CPAMD8: variants seen among roughly 807,000 people sequenced by gnomAD.
CPAMD8 encodes C3 and PZP-like alpha-2-macroglobulin domain-containing protein 8.
A neutral mutation model predicts 224.7 loss-of-function variants in CPAMD8; 146 were observed. The observed-to-expected ratio is 0.65, with a 90% confidence interval of 0.57 to 0.75. CPAMD8 has a LOEUF of 0.75. Among genes scored for constraint, CPAMD8 ranks in the 30% least tolerant of loss-of-function variants. The pLI, the probability that CPAMD8 is intolerant of heterozygous loss-of-function variation, is 0.00. For synonymous variants in CPAMD8, 966 were observed against 1,044.6 expected, an observed-to-expected ratio of 0.92 and a Z score of 1.45; for missense variants, 2,301 against 2,537.5, an observed-to-expected ratio of 0.91 and a Z score of 2.00.
At chr19:16,961,706 GCCT>G (rs2054663078) in intron 18 of CPAMD8, among the ~76,000 whole-genome samples, 2 of 152,234 alleles carry the variant, frequency 1.3e-5, no homozygotes, top group South Asian at 2.1e-4. Context: ...CGGACAGACT[GCCT>G]CCTCAAGTGG....
At chr19:16,904,777 G>A (rs1384800198) in intron 30 of CPAMD8, among the ~76,000 whole-genome samples, 1 of 152,132 alleles carries the variant, frequency 6.6e-6, no homozygotes, top group African/African-American at 2.4e-5. Context: ...CAGACATCGT[G>A]AATCAATGGC....
chr19:16,921,497 CT>C (rs1159347437), intron 27 of CPAMD8, among the ~76,000 whole-genome samples: 9 of 152,086 alleles, frequency 5.9e-5, no homozygotes, highest in Admixed American at 3.9e-4. Context: ...TCCCAGGCTG[CT>C]CCTGCACACA....
chr19:16,998,711 G>T (rs1233707663), intron 10 of CPAMD8, among the ~76,000 whole-genome samples: 1 of 152,130 alleles, frequency 6.6e-6, no homozygotes, highest in Non-Finnish European at 1.5e-5. Context: ...ACCAAAAAAG[G>T]TTACAAAACT....
rs554192392 is a variant in CPAMD8 at position 16,954,578 on chromosome 19, C to G, written c.2277-2378G>C. On this transcript the variant is annotated intron_variant, in intron 19 of 41. Coordinates refer to ENST00000443236, the MANE Select transcript of CPAMD8 (RefSeq NM_015692.5). The stretch of plus-strand genomic sequence containing the variant: ...AAAGGGATATTTGTATACCCCTGTT[C>G]ACAGCATTATTCACAATAGCCAAAA... Among the ~76,000 whole-genome samples the G allele has an allele frequency of 3.9e-5, 6 of 152,238 alleles. No homozygotes were observed. The East Asian group carries it at 1.2e-3, about 29-fold the overall frequency.
At chr19:16,944,282 T>C (rs1251780880) in intron 22 of CPAMD8, among the ~76,000 whole-genome samples, 1 of 152,224 alleles carries the variant, frequency 6.6e-6, no homozygotes, top group Non-Finnish European at 1.5e-5. Flanking sequence ...TAATTGTAGC[T>C]TCATCTTTTG....
rs1421108312 is a variant in CPAMD8, at chr19:16,906,404, T to C, written c.4027+548A>G. On this transcript the variant is annotated intron_variant, in intron 30 of 41. Coordinates refer to ENST00000443236, the MANE Select transcript of CPAMD8 (RefSeq NM_015692.5). The stretch of plus-strand genomic sequence containing the variant: ...TTTCTTTCTTTCTTTCTTTCTTTCT[T>C]TCTTTCCTTCCTTCCTTCCTTCCTT... 1.6e-3 allele frequency among the ~76,000 whole-genome samples: 131 copies of C among 83,946 alleles called. 2 individuals carry two copies. The highest frequency in any genetic ancestry group is 4.9e-3 in the African/African-American group (104 of 21,106). 55.1% of individuals were successfully genotyped at this position (83,946 alleles called of 152,430 possible).
intron 18 of CPAMD8, among the ~76,000 whole-genome samples, chr19:16,963,679 T>C (rs935924185): frequency 6.6e-6 from 1 of 152,190 alleles, no homozygotes; most frequent in Non-Finnish European, 1.5e-5. Flanking sequence ...AACTCAGCTC[T>C]GCACCAAGCA....
At position 16,928,146 on chromosome 19, in the gene CPAMD8, G is replaced by A; in HGVS notation, c.3233C>T (p.Ser1078Phe). 6.2e-7 allele frequency: 1 copy of A among 1,614,178 alleles called. No homozygotes were observed. Among genetic ancestry groups the A allele is most frequent in the Non-Finnish European group, 8.5e-7 (1 of 1,180,042 alleles). The change falls in exon 25 of 42, where the codon TCC becomes TTC. Residue 1078 changes from serine (S) to phenylalanine (F), a missense_variant. Transcript: ENST00000443236. ...RPPEVQFIGFSTGWGSMGEFR... is the reference protein window; with the variant it reads ...RPPEVQFIGFFTGWGSMGEFR... ...TTCACCCATGGAGCCCCAGCCGGTG[G>A]AAAAGCCAATGAACTGGACCTCTGG... is the stretch of plus-strand genomic sequence containing the variant.
Position 16,993,396 on chromosome 19 carries a change from G to C in CPAMD8, c.1266+20C>G, listed in dbSNP as rs765066061. On this transcript the variant is annotated intron_variant, in intron 12 of 41. Coordinates refer to ENST00000443236, the MANE Select transcript of CPAMD8 (RefSeq NM_015692.5). Reference sequence around the variant, plus strand: ...CCATACCTGCTGGCTGAATAACAAGGGTCCACGGGACTCACCCACCTCCAG... The same window carrying C: ...CCATACCTGCTGGCTGAATAACAAGCGTCCACGGGACTCACCCACCTCCAG... 3 of 1,604,872 alleles carry C rather than the reference G, an allele frequency of 1.9e-6. No homozygotes were observed. The highest frequency in any genetic ancestry group is 1.1e-5 in the South Asian group (1 of 89,846).
At chr19:16,917,569 G>T (rs979110128) in intron 27 of CPAMD8, among the ~76,000 whole-genome samples, 1 of 152,168 alleles carries the variant, frequency 6.6e-6, no homozygotes, top group Non-Finnish European at 1.5e-5. Context: ...GCAACACCTG[G>T]TCTCTACTGA....
In CPAMD8 at chr19:16,970,788, C is replaced by T. The variant is rs1419638220; in HGVS notation, c.2213+103G>A. Reference sequence around the variant, plus strand: ...AAATTTCAGTTGTTTATAAGCCACTCGGTCTATGGTCTTCTGTTATAGCAG... The same window carrying T: ...AAATTTCAGTTGTTTATAAGCCACTTGGTCTATGGTCTTCTGTTATAGCAG... On this transcript the variant is annotated intron_variant, in intron 18 of 41. Transcript: ENST00000443236. 80 of 1,085,766 alleles carry T rather than the reference C, an allele frequency of 7.4e-5. 3 individuals are homozygous for T. In the South Asian group the frequency reaches 9.2e-4, roughly 12 times the overall value. The allele number at this position is 1,085,766 out of a possible 1,614,324, so 67.3% of individuals were successfully genotyped here. A position where few individuals can be genotyped will look rare whatever the true frequency, so the allele number is the denominator to read the frequency against.
chr19:17,026,581 T>A lies in CPAMD8; in HGVS notation c.62A>T (p.Asp21Val). 3 of 1,527,558 alleles carry A rather than the reference T, an allele frequency of 2.0e-6. No individual in the cohort carries two copies. Among genetic ancestry groups the A allele is most frequent in the Non-Finnish European group, 2.6e-6 (3 of 1,146,770 alleles). 94.6% of individuals were successfully genotyped at this position (1,527,558 alleles called of 1,614,324 possible). A position where few individuals can be genotyped will look rare whatever the true frequency, so the allele number is the denominator to read the frequency against. Residue 21 changes from aspartate (D) to valine (V), a missense_variant, in exon 1 of 42, where the codon GAC (aspartate) becomes GTC (valine). Asp to Val is a radical substitution (Grantham distance 152, BLOSUM62 -3). Around this residue, in one of 4 missense-constraint regions of CPAMD8, gnomAD observed 283 missense variants for 340.6 expected, o/e 0.83. Coordinates refer to ENST00000443236, the MANE Select transcript of CPAMD8 (RefSeq NM_015692.5). Reference protein sequence around the residue: ...PLLLLLLSARDGVRAAQPQAP... With the variant: ...PLLLLLLSARVGVRAAQPQAP... Reference sequence around the variant, plus strand: ...CTGAGGCTGCGCGGCGCGCACGCCGTCCCGCGCCGACAGCAGCAGGAGCAG... The same window carrying A: ...CTGAGGCTGCGCGGCGCGCACGCCGACCCGCGCCGACAGCAGCAGGAGCAG...
At chr19:16,900,157 C>T (rs2052195164) in intron 36 of CPAMD8, among the ~76,000 whole-genome samples, 1 of 152,052 alleles carries the variant, frequency 6.6e-6, no homozygotes, top group Non-Finnish European at 1.5e-5. Context: ...CCTTCCTGTA[C>T]AAAATGGGGA....
At chr19:16,895,659 T>TA (rs2051932485) in intron 41 of CPAMD8, 1 of 346,950 alleles carries the variant, frequency 2.9e-6, no homozygotes, top group African/African-American at 2.1e-5. Flanking sequence ...AAAACTTCCC[T>TA]AGTCCAAAAA....
Position 16,957,878 on chromosome 19 carries a change from A to T in CPAMD8, c.2251T>A (p.Trp751Arg). ...KRKRTFFPET[W>R]IWHCLNISDP... ...CTGATGTTGAGACAATGCCAAATCC[A>T]TGTTTCGGGGAAGAAAGTCCTTTTT... is the stretch of plus-strand genomic sequence containing the variant. The change falls in exon 19 of 42, where the codon TGG becomes AGG. Residue 751 changes from tryptophan to arginine, a missense_variant. This residue lies in a region of CPAMD8 where 1,709 missense variants were observed against 1,753.2 expected (regional missense o/e 0.97). Transcript: ENST00000443236. 6.2e-7 allele frequency: 1 copy of T among 1,614,192 alleles called. No individual in the cohort carries two copies. Among genetic ancestry groups the T allele is most frequent in the Non-Finnish European group, 8.5e-7 (1 of 1,180,014 alleles).
intron 22 of CPAMD8, among the ~76,000 whole-genome samples, chr19:16,940,613 C>A (rs2053855441): frequency 6.6e-6 from 1 of 152,202 alleles, no homozygotes; most frequent in Non-Finnish European, 1.5e-5. Context: ...TTGAAATTGT[C>A]ATGTGTCTAT....
chr19:16,979,813 T>A (rs1460003304), intron 14 of CPAMD8, among the ~76,000 whole-genome samples: 1 of 107,066 alleles, frequency 9.3e-6, no homozygotes, highest in East Asian at 2.9e-4. Flanking sequence ...GCCTGAGAGA[T>A]CCTGCCTATC....
At chr19:16,939,195 CTATCTATG>C (rs138897877) in intron 22 of CPAMD8, among the ~76,000 whole-genome samples, 39,863 of 149,282 alleles carry the variant, frequency 0.27, 5,489 homozygotes, top group Admixed American at 0.28. Flanking sequence ...ATTTATCTAT[CTATCTATG>C]TATCTATCTA....
chr19:16,901,433 G>A (rs551851345), intron 35 of CPAMD8, 136 bp from the exon 36 acceptor site: 43 of 682,920 alleles, frequency 6.3e-5, no homozygotes, highest in South Asian at 2.3e-4. Context: ...CAGGCCAACA[G>A]CACACACATC....
Sources: allele counts gnomAD v4.1 joint callset (sites outside exome capture counted in the v4.1 genomes callset), GRCh38; gene constraint gnomAD v4.1.1; regional missense constraint gnomAD v4.1.1; transcripts MANE v1.5; gene names NCBI Gene and HGNC (gene_info 2026-07-23, HGNC 2026-07-21).